Variants in PITPNA observed in about 807,000 individuals in gnomAD.
The protein encoded by PITPNA is phosphatidylinositol transfer protein alpha, also known as phosphatidylinositol transfer protein alpha isoform.
PITPNA carries 13 observed loss-of-function variants against 50.3 expected under a neutral mutation model. That is an observed-to-expected ratio of 0.26 (90% CI 0.17 to 0.41). PITPNA has a LOEUF of 0.41. Among genes scored for constraint, PITPNA ranks in the 10% least tolerant of loss-of-function variants. The pLI is 1.00. For synonymous variants in PITPNA, 120 were observed against 119.6 expected (o/e 1.00, Z -0.02); for missense variants, 207 against 333.4 (o/e 0.62, Z 2.95).
chr17:1,537,903 C>T (rs1172489386), intron 7 of PITPNA, among the ~76,000 whole-genome samples: 2 of 151,986 alleles, frequency 1.3e-5, no homozygotes, highest in Admixed American at 6.5e-5. Flanking sequence ...CGGGTTCAAG[C>T]GATTCTCTTG....
chr17:1,535,195 T>C lies in PITPNA; in HGVS notation c.632A>G (p.Asn211Ser). The C allele has an allele frequency of 6.2e-7, 1 of 1,610,566 alleles. No homozygotes were observed. Among genetic ancestry groups the C allele is most frequent in the Non-Finnish European group, 8.5e-7 (1 of 1,176,716 alleles). Residue 211 changes from asparagine (N) to serine (S), a missense_variant, in exon 9 of 12, where the codon AAC becomes AGC. Physicochemically the swap from Asn to Ser is conservative, Grantham distance 46. Transcript: ENST00000313486. Reference protein sequence around the residue: ...KWWGLQNKVENFIHKQERRLF... With the variant: ...KWWGLQNKVESFIHKQERRLF... ...CGAGCTACTTACCTTATGGATGAAG[T>C]TCTCCACTTTGTTCTGCAGGCCCCA...
chr17:1,543,604 C>T (rs983495017), intron 4 of PITPNA, among the ~76,000 whole-genome samples: 5 of 152,116 alleles, frequency 3.3e-5, no homozygotes, highest in Non-Finnish European at 5.9e-5. Context: ...CTCCTGAGAC[C>T]GCCCGGTTCA....
At chr17:1,547,821 C>CT (rs1315763898) in intron 4 of PITPNA, among the ~76,000 whole-genome samples, 1 of 152,052 alleles carries the variant, frequency 6.6e-6, no homozygotes, top group African/African-American at 2.4e-5. Flanking sequence ...TGGTGAAACT[C>CT]TGTCTCTACT....
intron 4 of PITPNA, among the ~76,000 whole-genome samples, chr17:1,546,613 C>A (rs1464524935): frequency 2.0e-5 from 3 of 152,120 alleles, no homozygotes; most frequent in African/African-American, 7.2e-5. Flanking sequence ...ACTGTCTGTA[C>A]CCACACATGG....
Position 1,562,424 on chromosome 17 carries a change from C to T in PITPNA, c.20+117G>A. The T allele has an allele frequency of 3.5e-6, 3 of 847,802 alleles. No individual in the cohort carries two copies. In the South Asian group the frequency reaches 6.9e-5, roughly 20 times the overall value. 52.5% of individuals were successfully genotyped at this position (847,802 alleles called of 1,614,324 possible). ...CCCCGCTGGGCCCGCCTCAGGCACC[C>T]TCCGTCCCTGCTGCCCCTCCGTCCA... On this transcript the variant is annotated intron_variant, in intron 1 of 11. Transcript: ENST00000313486. This position sits in a 1 kb window ranked among gnomAD's most constrained non-coding sequence, Gnocchi z 6.4.
At chr17:1,523,367 G>T (rs1334821541) in intron 10 of PITPNA, among the ~76,000 whole-genome samples, 1 of 152,218 alleles carries the variant, frequency 6.6e-6, no homozygotes, top group Non-Finnish European at 1.5e-5. Context: ...GTTTGAGACA[G>T]GGTCTGGCTC....
chr17:1,523,926 T>G (rs1420226427), intron 10 of PITPNA, among the ~76,000 whole-genome samples: 1 of 152,180 alleles, frequency 6.6e-6, no homozygotes, highest in Non-Finnish European at 1.5e-5. Context: ...CCCAAAGTGC[T>G]GGGATTACAG....
chr17:1,543,034 C>T lies in PITPNA; in HGVS notation c.290-7G>A, dbSNP rs753984388. On this transcript the variant is annotated splice_region_variant and splice_polypyrimidine_tract_variant and intron_variant, in intron 4 of 11. Coordinates refer to ENST00000313486, the MANE Select transcript of PITPNA (RefSeq NM_006224.4). Reference sequence around the variant, plus strand: ...ACAATACTTACTGTAATAACTGCTCCGAGGCAAGGACATGGAAAGAAGAGA... The same window carrying T: ...ACAATACTTACTGTAATAACTGCTCTGAGGCAAGGACATGGAAAGAAGAGA... 3.2e-6 allele frequency: 5 copies of T among 1,583,366 alleles called. No homozygotes were observed. The highest frequency in any genetic ancestry group is 1.7e-5 in the Admixed American group (1 of 58,942).
chr17:1,538,974 C>T, intron 6 of PITPNA, 22 bp from the exon 7 acceptor site: 1 of 1,557,374 alleles, frequency 6.4e-7, no homozygotes, highest in East Asian at 2.2e-5. Flanking sequence ...AGTGGGGAAC[C>T]ACTATGCAGT....
chr17:1,544,534 C>G (rs1158515013), intron 4 of PITPNA, among the ~76,000 whole-genome samples: 1 of 152,246 alleles, frequency 6.6e-6, no homozygotes, highest in Non-Finnish European at 1.5e-5. Context: ...CCTCTGCATT[C>G]CAGTATTCCC....
At position 1,562,634 on chromosome 17, in the gene PITPNA, T is replaced by G. The variant is rs2151016639; in HGVS notation, c.-74A>C. ...CGCTGCCCGCCGGCCGCTCTCCCCG[T>G]GGCCCGGCCCGGCCCGGCTGCCTGT... is the stretch of plus-strand genomic sequence containing the variant. On this transcript the variant is annotated 5_prime_UTR_variant, in exon 1 of 12. Transcript: ENST00000313486. This position sits in a 1 kb window ranked among gnomAD's most constrained non-coding sequence, Gnocchi z 6.4. 1 of 1,080,628 alleles carries G rather than the reference T, an allele frequency of 9.3e-7. No homozygotes were observed. The highest frequency in any genetic ancestry group is 4.3e-5 in the South Asian group (1 of 23,142). The allele number at this position is 1,080,628 out of a possible 1,614,324, so 66.9% of individuals were successfully genotyped here.
intron 10 of PITPNA, among the ~76,000 whole-genome samples, chr17:1,532,460 C>G (rs571401364): frequency 3.9e-5 from 6 of 152,320 alleles, no homozygotes; most frequent in African/African-American, 1.4e-4. Context: ...AAGTTTGGAT[C>G]TGAACAAAGC....
chr17:1,524,151 T>C (rs954368048), intron 10 of PITPNA, among the ~76,000 whole-genome samples: 7 of 150,370 alleles, frequency 4.7e-5, no homozygotes, highest in Non-Finnish European at 8.9e-5. Flanking sequence ...TTCACGCCAT[T>C]CTCCTGCCTC....
intron 9 of PITPNA, among the ~76,000 whole-genome samples, 197 bp downstream of exon 9, chr17:1,534,985 C>T (rs1016116822): frequency 1.3e-5 from 2 of 152,252 alleles, no homozygotes; most frequent in African/African-American, 4.8e-5. Flanking sequence ...CCCCACCGCA[C>T]ACACACGCAG....
intron 10 of PITPNA, among the ~76,000 whole-genome samples, chr17:1,528,507 G>T (rs1367679116): frequency 6.6e-6 from 1 of 152,162 alleles, no homozygotes; most frequent in Non-Finnish European, 1.5e-5. Flanking sequence ...AGCACTTTGG[G>T]AAACCAAGGT....
At chr17:1,537,257 G>A (rs2075623800) in intron 7 of PITPNA, among the ~76,000 whole-genome samples, 1 of 152,260 alleles carries the variant, frequency 6.6e-6, no homozygotes, top group Non-Finnish European at 1.5e-5. Context: ...TAGAGACAGG[G>A]TTTCACCATG....
At chr17:1,524,198 A>C (rs988152364) in intron 10 of PITPNA, among the ~76,000 whole-genome samples, 20 of 151,668 alleles carry the variant, frequency 1.3e-4, no homozygotes, top group East Asian at 1.2e-3. Context: ...GTGCCCACCA[A>C]CACGCCCGGC....
intron 4 of PITPNA, among the ~76,000 whole-genome samples, chr17:1,545,482 T>C (rs1457356405): frequency 6.6e-6 from 1 of 152,162 alleles, no homozygotes; most frequent in Non-Finnish European, 1.5e-5. Flanking sequence ...AGATCTAAGA[T>C]TCAACATATC....
chr17:1,560,516 C>T (rs777312488), intron 1 of PITPNA, among the ~76,000 whole-genome samples: 2 of 152,344 alleles, frequency 1.3e-5, no homozygotes, highest in African/African-American at 4.8e-5. Flanking sequence ...TTTTCCCTTG[C>T]AGGCTTCAAG....
Sources: allele counts gnomAD v4.1 joint callset (sites outside exome capture counted in the v4.1 genomes callset), GRCh38; gene constraint gnomAD v4.1.1; non-coding constraint Gnocchi (gnomAD v3.1); transcripts MANE v1.5; gene names NCBI Gene and HGNC (gene_info 2026-07-23, HGNC 2026-07-21).